The following CAP2 variants were observed in gnomAD, a reference collection of about 807,000 sequenced individuals.
The protein encoded by CAP2 is cyclase associated actin cytoskeleton regulatory protein 2.
A neutral mutation model predicts 57.7 loss-of-function variants in CAP2; 24 were observed. That is an observed-to-expected ratio of 0.42 (90% CI 0.30 to 0.58). The LOEUF (loss-of-function observed/expected upper bound fraction) is 0.58, where lower values mean the gene tolerates loss of function less well. Among genes scored for constraint, CAP2 ranks in the 20% least tolerant of loss-of-function variants. CAP2 has a pLI of 0.22. For synonymous variants in CAP2, 194 were observed against 207.2 expected, an observed-to-expected ratio of 0.94 and a Z score of 0.55; for missense variants, 501 against 590.3, an observed-to-expected ratio of 0.85 and a Z score of 1.57.
chr6:17,469,463 A>G (rs972431536), intron 4 of CAP2, among the ~76,000 whole-genome samples: 6 of 151,978 alleles, frequency 3.9e-5, no homozygotes, highest in African/African-American at 1.5e-4. Context: ...CATGGAATCA[A>G]TATGTACCTG....
chr6:17,426,670 G>T lies in CAP2; in HGVS notation c.202G>T (p.Ala68Ser), dbSNP rs1316900799. Residue 68 changes from alanine (A) to serine (S), a missense_variant, in exon 3 of 13, where the codon GCT (alanine) becomes TCT (serine). Coordinates refer to ENST00000229922, the MANE Select transcript of CAP2 (RefSeq NM_006366.3). ...AEFLKNSRILAGDVETHAEMV... is the reference protein window; with the variant it reads ...AEFLKNSRILSGDVETHAEMV... The stretch of plus-strand genomic sequence containing the variant: ...GTTTTTAAAGAACAGTAGGATCCTT[G>T]CTGGGGACGTGGAGACCCATGTAAG... The T allele has an allele frequency of 3.1e-6, 5 of 1,613,478 alleles. No individual in the cohort carries two copies. Among genetic ancestry groups the T allele is most frequent in the Non-Finnish European group, 3.4e-6 (4 of 1,179,532 alleles).
intron 11 of CAP2, among the ~76,000 whole-genome samples, chr6:17,544,009 C>T: frequency 6.6e-6 from 1 of 151,350 alleles, no homozygotes; most frequent in East Asian, 1.9e-4. Context: ...CCTGTAATCC[C>T]AGCTACTTGG....
At chr6:17,545,701 C>A (rs934404963) in intron 11 of CAP2, among the ~76,000 whole-genome samples, 2 of 152,180 alleles carry the variant, frequency 1.3e-5, no homozygotes, top group Non-Finnish European at 2.9e-5. Context: ...TCCCCCTCCC[C>A]CAACCTCACA....
chr6:17,393,938 C>G (rs1031394139), intron 1 of CAP2, among the ~76,000 whole-genome samples, 192 bp downstream of exon 1: 1 of 146,732 alleles, frequency 6.8e-6, no homozygotes, highest in African/African-American at 2.5e-5. Flanking sequence ...GCGCGGCGAC[C>G]CGGGCGCGGG....
At chr6:17,468,657 C>T (rs1017601032) in intron 4 of CAP2, among the ~76,000 whole-genome samples, 1 of 152,214 alleles carries the variant, frequency 6.6e-6, no homozygotes, top group Non-Finnish European at 1.5e-5. Context: ...TGGCCCAGTT[C>T]TTACAGCACT....
chr6:17,551,726 C>T (rs563165431), intron 12 of CAP2, 122 bp downstream of exon 12: 78 of 729,450 alleles, frequency 1.1e-4, no homozygotes, highest in Non-Finnish European at 1.5e-4. Flanking sequence ...CACAGGCAGG[C>T]GAGGAATTCA....
Position 17,513,984 on chromosome 6 carries a change from A to C in CAP2, c.636+30A>C. 7.5e-7 allele frequency: 1 copy of C among 1,328,180 alleles called. No homozygotes were observed. The highest frequency in any genetic ancestry group is 1.2e-5 in the South Asian group (1 of 85,070). The allele number at this position is 1,328,180 out of a possible 1,614,324, so 82.3% of individuals were successfully genotyped here. On this transcript the variant is annotated intron_variant, in intron 7 of 12. Coordinates refer to ENST00000229922, the MANE Select transcript of CAP2 (RefSeq NM_006366.3). This position sits in a 1 kb window ranked among gnomAD's most constrained non-coding sequence, Gnocchi z 4.3. ...GTACGAGGCCTTCCTCCACGTGTGTAAAAAAAGGCCATGACTATATATACA... is the reference window on the plus strand; with the variant it reads ...GTACGAGGCCTTCCTCCACGTGTGTCAAAAAAGGCCATGACTATATATACA...
intron 1 of CAP2, among the ~76,000 whole-genome samples, chr6:17,404,660 A>G (rs1758906236): frequency 6.6e-6 from 1 of 151,038 alleles, no homozygotes. Flanking sequence ...AATCCCAGTT[A>G]CTTGGGAGGC....
intron 3 of CAP2, among the ~76,000 whole-genome samples, chr6:17,432,961 C>T (rs71556109): frequency 7.8e-6 from 1 of 128,696 alleles, no homozygotes; most frequent in Non-Finnish European, 1.6e-5. Flanking sequence ...CCCTCCCTCT[C>T]TCCCCCCTCC....
At chr6:17,405,154 G>A (rs75646094) in intron 1 of CAP2, among the ~76,000 whole-genome samples, 10 of 152,130 alleles carry the variant, frequency 6.6e-5, no homozygotes, top group Non-Finnish European at 1.3e-4. Flanking sequence ...AGGCCGAGGC[G>A]GGTGGATCAC....
intron 3 of CAP2, among the ~76,000 whole-genome samples, chr6:17,428,286 T>G (rs967530348): frequency 1.3e-5 from 2 of 152,194 alleles, no homozygotes; most frequent in Admixed American, 1.3e-4. Flanking sequence ...AATATTAGCA[T>G]CATCTCCGGG....
At chr6:17,493,349 A>G (rs1229745033) in intron 4 of CAP2, 1 of 347,646 alleles carries the variant, frequency 2.9e-6, no homozygotes, top group Admixed American at 3.0e-5. Flanking sequence ...TAGAGATGAA[A>G]CCAAGGCTAA....
chr6:17,498,767 C>G (rs1015521530), intron 4 of CAP2, among the ~76,000 whole-genome samples: 1 of 151,944 alleles, frequency 6.6e-6, no homozygotes, highest in Non-Finnish European at 1.5e-5. Flanking sequence ...CTTGCTCTGT[C>G]GCCCAGGCTG....
intron 3 of CAP2, among the ~76,000 whole-genome samples, chr6:17,426,898 G>A (rs756577804): frequency 1.9e-4 from 29 of 152,142 alleles, no homozygotes; most frequent in Non-Finnish European, 1.5e-4. Context: ...GCACTGCTCT[G>A]GAAGCTAGGA....
chr6:17,403,247 G>A (rs1182742150), intron 1 of CAP2, among the ~76,000 whole-genome samples: 3 of 152,086 alleles, frequency 2.0e-5, no homozygotes, highest in South Asian at 2.1e-4. Flanking sequence ...GACTACAGGC[G>A]CGAGCCACCA....
At chr6:17,542,748 C>T (rs1762936423) in intron 9 of CAP2, 89 bp from the exon 10 acceptor site, 3 of 1,027,718 alleles carry the variant, frequency 2.9e-6, no homozygotes, top group Admixed American at 4.2e-5. Context: ...CAAAGCCATA[C>T]TTCATGCTGA....
At chr6:17,510,375 T>C (rs975685908) in intron 6 of CAP2, among the ~76,000 whole-genome samples, 4 of 152,218 alleles carry the variant, frequency 2.6e-5, no homozygotes, top group African/African-American at 9.6e-5. Flanking sequence ...CAAACAGCCA[T>C]TGTATTCCCC....
At chr6:17,520,063 T>C (rs1345853588) in intron 7 of CAP2, among the ~76,000 whole-genome samples, 1 of 152,194 alleles carries the variant, frequency 6.6e-6, no homozygotes, top group Non-Finnish European at 1.5e-5. Flanking sequence ...TACAGTCTTA[T>C]GTAATAGTGA....
At chr6:17,494,242 C>T (rs566257905) in intron 4 of CAP2, among the ~76,000 whole-genome samples, 7 of 152,286 alleles carry the variant, frequency 4.6e-5, no homozygotes, top group East Asian at 1.9e-4. Flanking sequence ...TGGTGATCTC[C>T]GCTTTATTCA....
Sources: gnomAD v4.1 joint callset for allele counts (sites outside exome capture counted in the v4.1 genomes callset) on GRCh38, gnomAD v4.1.1 for gene constraint, Gnocchi (gnomAD v3.1) non-coding constraint, MANE v1.5 for transcripts, NCBI Gene and HGNC (gene_info 2026-07-23, HGNC 2026-07-21) for gene names.